The following COL15A1 variants were observed in gnomAD, a reference collection of about 807,000 sequenced individuals.
The protein encoded by COL15A1 is collagen type XV alpha 1 chain, also known as collagen alpha-1(XV) chain.
COL15A1 carries 111 observed loss-of-function variants against 165.9 expected under a neutral mutation model. The observed-to-expected ratio is 0.67, with a 90% CI of 0.57 to 0.78. The LOEUF (loss-of-function observed/expected upper bound fraction) is 0.78, where lower values mean the gene tolerates loss of function less well. Ranked by LOEUF, COL15A1 falls within the 30% of genes least tolerant of loss-of-function variation. The pLI is 0.00. For missense variants in COL15A1, 1,745 were observed against 1,789.7 expected (o/e 0.98, Z 0.45); for synonymous variants, 659 against 674.8 (o/e 0.98, Z 0.36).
chr9:99,034,440 C>A, intron 16 of COL15A1, 109 bp from the exon 17 acceptor site: 3 of 1,460,358 alleles, frequency 2.1e-6, no homozygotes, highest in South Asian at 1.5e-5. Flanking sequence ...AGAAAGAGTC[C>A]TATTTTAATA....
In COL15A1 at chr9:98,998,161, T is replaced by G. The variant is rs1014174914; in HGVS notation, c.952+1080T>G. ...GTGTGTGTATTAGATACATCACATA[T>G]TAGACGTAATATTCATCAAAATGTT... On this transcript the variant is annotated intron_variant, in intron 6 of 41. Coordinates refer to ENST00000375001, the MANE Select transcript of COL15A1 (RefSeq NM_001855.5). Among the ~76,000 whole-genome samples the G allele has an allele frequency of 2.4e-4, 37 of 152,248 alleles. 1 individual carries two copies. Among genetic ancestry groups the G allele is most frequent in the African/African-American group, 8.9e-4 (37 of 41,468 alleles).
At chr9:99,015,642 G>A in intron 10 of COL15A1, 76 bp downstream of exon 10, 1 of 1,432,064 alleles carries the variant, frequency 7.0e-7, no homozygotes, top group Non-Finnish European at 9.7e-7. Context: ...GTCATCCTTG[G>A]CCTTGGCAGG....
chr9:99,069,846 T>A lies in COL15A1; in HGVS notation c.4127T>A (p.Leu1376Gln). Residue 1376 changes from leucine (L) to glutamine (Q), a missense_variant, in exon 42 of 42, where the codon CTA becomes CAA. Transcript: ENST00000375001. ...AGCTGTGCTAATCGGCTAATTGTCC[T>A]ATGTATCGAAAACAGTTTCATGACA... The part of the protein sequence containing the change: ...AYSCANRLIV[L>Q]CIENSFMTDA... The A allele has an allele frequency of 1.2e-6, 2 of 1,614,028 alleles. No homozygotes were observed. Among genetic ancestry groups the A allele is most frequent in the Non-Finnish European group, 1.7e-6 (2 of 1,179,854 alleles).
At chr9:98,973,449 G>T (rs1289285054) in intron 2 of COL15A1, among the ~76,000 whole-genome samples, 1 of 152,200 alleles carries the variant, frequency 6.6e-6, no homozygotes, top group African/African-American at 2.4e-5. Context: ...GTTGATCCAG[G>T]ATTTTTTCCC....
chr9:98,994,387 C>T (rs1015953226), intron 5 of COL15A1, among the ~76,000 whole-genome samples: 10 of 152,176 alleles, frequency 6.6e-5, no homozygotes, highest in African/African-American at 2.4e-4. Context: ...TTCTGTTTGC[C>T]TGGAGGGCCC....
rs144308034 is a variant in COL15A1 at position 99,024,912 on chromosome 9, G to A, written c.1893G>A (p.Gly631=). The change falls in exon 15 of 42, where the codon GGG becomes GGA. Residue 631 remains glycine, a synonymous_variant. Transcript: ENST00000375001. ...CCCCAGGGCCACCTGGCTTACCTGG[G>A]ATTCCAGGAAAACCAGGAACTGATG... ...PGPPGPPGLP[G]IPGKPGTDVF... 1 of 1,613,976 alleles carries A rather than the reference G, an allele frequency of 6.2e-7. No individual in the cohort carries two copies. The highest frequency in any genetic ancestry group is 8.5e-7 in the Non-Finnish European group (1 of 1,179,890).
intron 2 of COL15A1, among the ~76,000 whole-genome samples, chr9:98,975,566 G>A (rs534721059): frequency 6.6e-6 from 1 of 152,342 alleles, no homozygotes; most frequent in Non-Finnish European, 1.5e-5. Context: ...CTGGGATTCT[G>A]CCTGGTTTCC....
chr9:98,992,486 C>T (rs1838459537), intron 5 of COL15A1, among the ~76,000 whole-genome samples: 2 of 152,222 alleles, frequency 1.3e-5, no homozygotes, highest in Admixed American at 6.5e-5. Context: ...CCACACGTCT[C>T]TCTCCACACC....
chr9:99,005,958 C>T (rs1192695702), intron 9 of COL15A1, among the ~76,000 whole-genome samples: 8 of 152,218 alleles, frequency 5.3e-5, no homozygotes, highest in Non-Finnish European at 8.8e-5. Context: ...GCCTTGCTGA[C>T]CACCTCTTGG....
intron 9 of COL15A1, 33 bp downstream of exon 9, chr9:99,005,083 C>T: frequency 1.3e-6 from 2 of 1,549,686 alleles, no homozygotes; most frequent in South Asian, 2.5e-5. Context: ...AGGTTGAGGT[C>T]ATGGTGGGAG....
chr9:98,957,604 G>C (rs1464831114), intron 2 of COL15A1, among the ~76,000 whole-genome samples: 1 of 152,128 alleles, frequency 6.6e-6, no homozygotes, highest in African/African-American at 2.4e-5. Flanking sequence ...AACCAACAGA[G>C]TCTCCAGAGT....
chr9:99,008,072 G>A (rs1449212463), intron 9 of COL15A1, among the ~76,000 whole-genome samples: 1 of 152,106 alleles, frequency 6.6e-6, no homozygotes. Context: ...CTTGGCCTGA[G>A]TATTTGCATA....
At position 98,944,196 on chromosome 9, in the gene COL15A1, C is replaced by T. The variant is rs200866045; in HGVS notation, c.46C>T (p.Leu16=). 3.6e-5 allele frequency: 58 copies of T among 1,614,024 alleles called. No individual in the cohort carries two copies. Among genetic ancestry groups the T allele is most frequent in the Non-Finnish European group, 4.8e-5 (57 of 1,180,014 alleles). ...NNGQCWCLLM[L]LSVSTPLPAV... is the part of the protein sequence containing the mutation. Reference sequence around the variant, plus strand: ...CGGGCAGTGCTGGTGTCTGCTGATGCTGCTCTCGGTCTCCACGCCCCTCCC... The same window carrying T: ...CGGGCAGTGCTGGTGTCTGCTGATGTTGCTCTCGGTCTCCACGCCCCTCCC... Residue 16 remains leucine (L), a synonymous_variant, in exon 2 of 42, where the codon CTG becomes TTG. Coordinates refer to ENST00000375001, the MANE Select transcript of COL15A1 (RefSeq NM_001855.5).
At position 99,055,243 on chromosome 9, in the gene COL15A1, C is replaced by A; in HGVS notation, c.3082-19C>A. On this transcript the variant is annotated intron_variant, in intron 33 of 41. Coordinates refer to ENST00000375001, the MANE Select transcript of COL15A1 (RefSeq NM_001855.5). The stretch of plus-strand genomic sequence containing the variant: ...TCATCCCACTCTTACTGAAATATTC[C>A]TGTGTTCTCTGCTTCCAGGGGGAGA... 2 of 1,594,416 alleles carry A rather than the reference C, an allele frequency of 1.3e-6. No homozygotes were observed. Among genetic ancestry groups the A allele is most frequent in the Non-Finnish European group, 1.7e-6 (2 of 1,162,094 alleles).
At chr9:99,045,320 AT>A (rs1316678505) in intron 26 of COL15A1, among the ~76,000 whole-genome samples, 1 of 152,158 alleles carries the variant, frequency 6.6e-6, no homozygotes, top group Non-Finnish European at 1.5e-5. Flanking sequence ...CCTCTCTGGG[AT>A]TTTTGATTCT....
intron 2 of COL15A1, among the ~76,000 whole-genome samples, chr9:98,980,307 A>G (rs1444658716): frequency 1.3e-5 from 2 of 152,240 alleles, no homozygotes; most frequent in Admixed American, 1.3e-4. Context: ...TGCAGGGGCT[A>G]TGATGGAGGA....
chr9:98,954,146 A>C (rs151204765), intron 2 of COL15A1, among the ~76,000 whole-genome samples: 31 of 152,228 alleles, frequency 2.0e-4, no homozygotes, highest in Non-Finnish European at 2.8e-4. Flanking sequence ...CTGCCAAAGT[A>C]GGGATGTCCA....
chr9:99,054,901 G>T (rs1240221082), intron 32 of COL15A1, among the ~76,000 whole-genome samples: 1 of 152,168 alleles, frequency 6.6e-6, no homozygotes, highest in Non-Finnish European at 1.5e-5. Context: ...GAAGGCCAGG[G>T]ACCTACCTGG....
rs1449497017 is a variant in COL15A1, at chr9:99,064,250, T to C, written c.3651+1141T>C. Among the ~76,000 whole-genome samples the C allele has an allele frequency of 2.6e-5, 4 of 152,240 alleles. No individual in the cohort carries two copies. The South Asian group carries it at 8.3e-4, about 32-fold the overall frequency. ...ACTCAGTTCAGAGTCTTGGGAGAGA[T>C]AGTTTATATGGTCTGTCTTGGGTCA... On this transcript the variant is annotated intron_variant, in intron 39 of 41. Transcript: ENST00000375001.
Sources: allele counts gnomAD v4.1 joint callset (sites outside exome capture counted in the v4.1 genomes callset), GRCh38; gene constraint gnomAD v4.1.1; transcripts MANE v1.5; gene names NCBI Gene and HGNC (gene_info 2026-07-23, HGNC 2026-07-21).